Variants in KPNA7 observed in about 807,000 individuals in gnomAD.
The protein encoded by KPNA7 is karyopherin subunit alpha 7.
In KPNA7, 54 loss-of-function variants were observed where a neutral mutation model predicts 53.7. The ratio of observed to expected loss-of-function variants is 1.01; its 90% CI spans 0.81 to 1.26. The LOEUF (loss-of-function observed/expected upper bound fraction) is 1.26, where lower values mean the gene tolerates loss of function less well. Among genes scored for constraint, KPNA7 ranks in the 50% most tolerant of loss-of-function variants. The pLI is 0.00. For missense variants in KPNA7, 640 were observed against 644.5 expected, an observed-to-expected ratio of 0.99 and a Z score of 0.07; for synonymous variants, 276 against 259.3, an observed-to-expected ratio of 1.06 and a Z score of -0.62.
intron 6 of KPNA7, among the ~76,000 whole-genome samples, chr7:99,190,197 C>T (rs1045862510): frequency 2.0e-5 from 3 of 151,780 alleles, no homozygotes; most frequent in African/African-American, 7.3e-5. Context: ...ATTAGCCAGG[C>T]GGGGTGGCAT....
chr7:99,152,447 C>CT, the KPNA7 span, among the ~76,000 whole-genome samples: 1 of 151,864 alleles, frequency 6.6e-6, no homozygotes, highest in Non-Finnish European at 1.5e-5. Flanking sequence ...ATCCCTTTCT[C>CT]TGTGGACATC....
chr7:99,148,797 C>G, the KPNA7 span, among the ~76,000 whole-genome samples: 4 of 151,512 alleles, frequency 2.6e-5, no homozygotes, highest in Non-Finnish European at 5.9e-5. Context: ...GGGTCTCACT[C>G]TGTCGGCCAG....
At chr7:99,215,217 C>T (rs1022071273) in intron 1 of KPNA7, among the ~76,000 whole-genome samples, 3 of 151,468 alleles carry the variant, frequency 2.0e-5, no homozygotes, top group African/African-American at 7.3e-5. Context: ...ACTAAAAATA[C>T]AAAAATTAGC....
chr7:99,203,234 G>A lies in KPNA7; in HGVS notation c.73C>T (p.Arg25Ter), dbSNP rs571947684. 8.8e-5 allele frequency: 137 copies of A among 1,550,708 alleles called. 1 individual carries two copies. Among genetic ancestry groups the A allele is most frequent in the South Asian group, 3.9e-4 (33 of 83,980 alleles). ...KYRGKDVSLR[R>*]QQRMAVSLEL... ...AGACTGACCGCCATCCTCTGCTGTCGCCTCAGCTAGTGAGGAAAAGAAATT... is the reference window on the plus strand; with the variant it reads ...AGACTGACCGCCATCCTCTGCTGTCACCTCAGCTAGTGAGGAAAAGAAATT... The change falls in exon 3 of 11, where the codon CGA becomes TGA. Residue 25 changes from arginine (R) to a stop codon, truncating the protein, a stop_gained. Coordinates refer to ENST00000327442, the MANE Select transcript of KPNA7 (RefSeq NM_001145715.3). LOFTEE classifies it high-confidence loss of function.
chr7:99,200,756 G>C, intron 3 of KPNA7, among the ~76,000 whole-genome samples: 1 of 152,106 alleles, frequency 6.6e-6, no homozygotes, highest in African/African-American at 2.4e-5. Context: ...CAGGCAAATT[G>C]CTTGAGGTCA....
At chr7:99,172,981 G>C (rs1387578725), downstream of KPNA7, among the ~76,000 whole-genome samples, 1 of 140,582 alleles carries the variant, frequency 7.1e-6, no homozygotes, top group Non-Finnish European at 1.5e-5. Flanking sequence ...AAAATCACTG[G>C]AACCTGGGAG....
chr7:99,188,432 C>T lies in KPNA7; in HGVS notation c.768G>A (p.Glu256=), dbSNP rs1456141500. 3 of 1,551,558 alleles carry T rather than the reference C, an allele frequency of 1.9e-6. No homozygotes were observed. In the Admixed American group the frequency reaches 5.9e-5, roughly 30 times the overall value. ...LLHLLQHQDS[E]VLSDACWALS... ...GTGCCCAGCAGGCATCCGAGAGAAC[C>T]TCACTGTCCTGGTGCTGCAGGAGGT... is the stretch of plus-strand genomic sequence containing the variant. Residue 256 remains glutamate (E), a synonymous_variant, in exon 7 of 11, where the codon GAG becomes GAA. Transcript: ENST00000327442.
chr7:99,172,178 G>C (rs1798782055), downstream of KPNA7, among the ~76,000 whole-genome samples: 1 of 152,138 alleles, frequency 6.6e-6, no homozygotes, highest in Non-Finnish European at 1.5e-5. Flanking sequence ...TAAAAAAATG[G>C]CTATCTCTTC....
chr7:99,173,624 G>A lies in KPNA7; in HGVS notation c.*84C>T, dbSNP rs536404384. 2 of 763,504 alleles carry A rather than the reference G, an allele frequency of 2.6e-6. No individual in the cohort carries two copies. Among genetic ancestry groups the A allele is most frequent in the Non-Finnish European group, 4.2e-6 (2 of 473,582 alleles). 47.3% of individuals were successfully genotyped at this position (763,504 alleles called of 1,614,324 possible). A position where few individuals can be genotyped will look rare whatever the true frequency, so the allele number is the denominator to read the frequency against. On this transcript the variant is annotated 3_prime_UTR_variant, in exon 11 of 11. Transcript: ENST00000327442. ...CAAGTTTTAAAAGCTTCACATTTGG[G>A]TTACACTAAGATAGAGGACTGCTGC...
chr7:99,172,632 G>A (rs1204757959), downstream of KPNA7, among the ~76,000 whole-genome samples: 3 of 152,280 alleles, frequency 2.0e-5, no homozygotes, highest in African/African-American at 4.8e-5. Flanking sequence ...TTTCTAGGAA[G>A]AATAAGAGAG....
downstream of KPNA7, among the ~76,000 whole-genome samples, chr7:99,173,062 C>CAAAAAAAAAAAAAAAA (rs923484332): frequency 2.3e-4 from 13 of 57,164 alleles, no homozygotes; most frequent in African/African-American, 5.8e-4. Flanking sequence ...AACTCCATCT[C>CAAAAAAAAAAAAAAAA]AAAAAAAAAA....
At chr7:99,183,845 T>A (rs1212469619) in intron 8 of KPNA7, among the ~76,000 whole-genome samples, 3 of 152,100 alleles carry the variant, frequency 2.0e-5, no homozygotes, top group Non-Finnish European at 4.4e-5. Flanking sequence ...GAAATAATGT[T>A]TTTTTGTTTT....
chr7:99,218,665 C>G (rs1791271333), intron 1 of KPNA7, among the ~76,000 whole-genome samples: 1 of 152,214 alleles, frequency 6.6e-6, no homozygotes, highest in African/African-American at 2.4e-5. Flanking sequence ...CACAGTGTCT[C>G]TAAAGACACT....
rs922379635 is a variant in KPNA7 at position 99,178,397 on chromosome 7, C to G, written c.1318-331G>C. 3.3e-5 allele frequency among the ~76,000 whole-genome samples: 5 copies of G among 151,924 alleles called. No individual in the cohort carries two copies. The South Asian group carries it at 1.0e-3, about 32-fold the overall frequency. On this transcript the variant is annotated intron_variant, in intron 9 of 10. Transcript: ENST00000327442. Reference sequence around the variant, plus strand: ...CAGCCTGGCCAACATGGTGAAACCTCGTCTCTACTAAAAATACAAAAATTA... The same window carrying G: ...CAGCCTGGCCAACATGGTGAAACCTGGTCTCTACTAAAAATACAAAAATTA...
At chr7:99,207,134 A>T (rs1199739144) in intron 2 of KPNA7, among the ~76,000 whole-genome samples, 1 of 151,918 alleles carries the variant, frequency 6.6e-6, no homozygotes, top group Non-Finnish European at 1.5e-5. Context: ...TCCCAGGTTC[A>T]AGCAATTCTC....
chr7:99,165,197 A>G, the KPNA7 span, among the ~76,000 whole-genome samples: 4 of 152,008 alleles, frequency 2.6e-5, no homozygotes, highest in Non-Finnish European at 5.9e-5. Context: ...ACTTGTTGGA[A>G]TGGCCGGGTT....
chr7:99,193,348 G>A lies in KPNA7; in HGVS notation c.554-247C>T, dbSNP rs573824606. ...AAGCAGAGCCAGCCAACTCAGCCAAGGTGGGCTGTTGGCATCTCACAGCAT... is the reference window on the plus strand; with the variant it reads ...AAGCAGAGCCAGCCAACTCAGCCAAAGTGGGCTGTTGGCATCTCACAGCAT... On this transcript the variant is annotated intron_variant, in intron 5 of 10. Coordinates refer to ENST00000327442, the MANE Select transcript of KPNA7 (RefSeq NM_001145715.3). Among the ~76,000 whole-genome samples, 3 of 152,208 alleles carry A rather than the reference G, an allele frequency of 2.0e-5. No homozygotes were observed. The South Asian group carries it at 6.2e-4, about 31-fold the overall frequency.
intron 1 of KPNA7, among the ~76,000 whole-genome samples, chr7:99,219,194 C>T (rs1449459718): frequency 6.6e-6 from 1 of 152,230 alleles, no homozygotes; most frequent in Non-Finnish European, 1.5e-5. Flanking sequence ...CCAGGTGAGT[C>T]TCATGTTCAG....
chr7:99,202,229 G>A (rs923816747), intron 3 of KPNA7, among the ~76,000 whole-genome samples: 7 of 152,260 alleles, frequency 4.6e-5, no homozygotes, highest in Admixed American at 2.0e-4. Context: ...TAAAAAGGGT[G>A]CATGTGGGTA....
Sources: gnomAD v4.1 joint callset for allele counts (sites outside exome capture counted in the v4.1 genomes callset) on GRCh38, gnomAD v4.1.1 for gene constraint, MANE v1.5 for transcripts, NCBI Gene and HGNC (gene_info 2026-07-23, HGNC 2026-07-21) for gene names.